Variants in TOGARAM2 observed in about 807,000 individuals in gnomAD.
The protein encoded by TOGARAM2 is TOG array regulator of axonemal microtubules protein 2.
TOGARAM2 carries 85 observed loss-of-function variants against 93.3 expected under a neutral mutation model. The observed-to-expected ratio is 0.91, with a 90% CI of 0.76 to 1.09. The LOEUF (loss-of-function observed/expected upper bound fraction) is 1.09. Ranked by LOEUF, TOGARAM2 falls within the 50% of genes least tolerant of loss-of-function variation. The pLI is 0.00. For missense variants in TOGARAM2, 1,277 were observed against 1,334.5 expected, an observed-to-expected ratio of 0.96 and a Z score of 0.67; for synonymous variants, 593 against 552.8, an observed-to-expected ratio of 1.07 and a Z score of -1.02.
At chr2:29,023,033 TG>T in intron 11 of TOGARAM2, 52 bp from the exon 12 acceptor site, 1 of 1,494,670 alleles carries the variant, frequency 6.7e-7, no homozygotes, top group Non-Finnish European at 9.1e-7. Flanking sequence ...TGCAGAGGGG[TG>T]GGGCTCCTCC....
chr2:29,007,695 C>A (rs1663968000), intron 6 of TOGARAM2, among the ~76,000 whole-genome samples: 1 of 152,108 alleles, frequency 6.6e-6, no homozygotes, highest in Non-Finnish European at 1.5e-5. Flanking sequence ...ATGGCGGGTC[C>A]TTTGTGTCAA....
At chr2:29,024,946 C>T (rs567744764) in intron 13 of TOGARAM2, among the ~76,000 whole-genome samples, 1 of 152,194 alleles carries the variant, frequency 6.6e-6, no homozygotes. Context: ...CCTGTTGGAG[C>T]CTTTCTGCAG....
In TOGARAM2 at chr2:29,036,687, C is replaced by T; in HGVS notation, c.2565C>T (p.Asn855=). 2 of 1,614,000 alleles carry T rather than the reference C, an allele frequency of 1.2e-6. No homozygotes were observed. Among genetic ancestry groups the T allele is most frequent in the Non-Finnish European group, 1.7e-6 (2 of 1,179,888 alleles). ...LLSIIITVAD[N]LNSKNSGIYA... is the part of the protein sequence containing the mutation. ...CCATCATCATCACTGTTGCAGACAA[C>T]CTCAACTCCAAGAACTCAGGGATTT... Residue 855 remains asparagine (N), a synonymous_variant, in exon 18 of 20, where the codon AAC becomes AAT. Coordinates refer to ENST00000379558, the MANE Select transcript of TOGARAM2 (RefSeq NM_199280.4).
upstream of TOGARAM2, among the ~76,000 whole-genome samples, chr2:28,980,910 A>G (rs1217787539): frequency 6.6e-6 from 1 of 152,222 alleles, no homozygotes; most frequent in Non-Finnish European, 1.5e-5. Flanking sequence ...CAGAGGGCAC[A>G]CAGCTGGAAG....
At chr2:29,023,275 T>C (rs976019078) in intron 12 of TOGARAM2, 84 bp downstream of exon 12, 24 of 1,152,062 alleles carry the variant, frequency 2.1e-5, no homozygotes, top group Non-Finnish European at 3.0e-5. Context: ...GGAGGGGCTG[T>C]GGCTTCAGGG....
chr2:29,035,674 T>A lies in TOGARAM2; in HGVS notation c.2418+18T>A. ...TGGTCCAGGTGAGCACCGCTTGCTTTTACTCTCCCACCTGTCTCTCCTCTG... is the reference window on the plus strand; with the variant it reads ...TGGTCCAGGTGAGCACCGCTTGCTTATACTCTCCCACCTGTCTCTCCTCTG... On this transcript the variant is annotated intron_variant, in intron 17 of 19. Transcript: ENST00000379558. The A allele has an allele frequency of 1.4e-6, 2 of 1,386,414 alleles. No homozygotes were observed. Among genetic ancestry groups the A allele is most frequent in the Non-Finnish European group, 1.9e-6 (2 of 1,057,726 alleles). The allele number at this position is 1,386,414 out of a possible 1,614,324, so 85.9% of individuals were successfully genotyped here. A position where few individuals can be genotyped will look rare whatever the true frequency, so the allele number is the denominator to read the frequency against.
chr2:29,012,418 C>T (rs1290252493), intron 7 of TOGARAM2, among the ~76,000 whole-genome samples: 1 of 152,212 alleles, frequency 6.6e-6, no homozygotes, highest in South Asian at 2.1e-4. Context: ...CTGCTTCTCC[C>T]CTGCTCCCGG....
intron 4 of TOGARAM2, among the ~76,000 whole-genome samples, chr2:29,001,525 G>A (rs983035707): frequency 4.0e-5 from 6 of 149,742 alleles, no homozygotes; most frequent in Admixed American, 2.0e-4. Flanking sequence ...TTTTGAGACC[G>A]AGTCTTGCTC....
chr2:29,014,592 G>A, intron 8 of TOGARAM2, 31 bp downstream of exon 8: 4 of 1,553,164 alleles, frequency 2.6e-6, no homozygotes, highest in Non-Finnish European at 3.5e-6. Flanking sequence ...GGAGGAAGTG[G>A]GGCTGGAGTG....
Position 29,036,718 on chromosome 2 carries a change from G to A in TOGARAM2, c.2596G>A (p.Ala866Thr), listed in dbSNP as rs770935644. 39 of 1,613,794 alleles carry A rather than the reference G, an allele frequency of 2.4e-5. No homozygotes were observed. Among genetic ancestry groups the A allele is most frequent in the Non-Finnish European group, 3.2e-5 (38 of 1,179,864 alleles). ...CTCCAAGAACTCAGGGATTTACGCTGCTGCCGTGGCTGTGCTGGATGCGAT... is the reference window on the plus strand; with the variant it reads ...CTCCAAGAACTCAGGGATTTACGCTACTGCCGTGGCTGTGCTGGATGCGAT... ...LNSKNSGIYA[A>T]AVAVLDAMVE... Residue 866 changes from alanine to threonine, a missense_variant, in exon 18 of 20, where the codon GCT becomes ACT. Ala to Thr is a moderately conservative substitution (Grantham distance 58, BLOSUM62 0). Transcript: ENST00000379558.
At chr2:28,986,255 CT>C (rs1436205524) in intron 1 of TOGARAM2, among the ~76,000 whole-genome samples, 1 of 151,916 alleles carries the variant, frequency 6.6e-6, no homozygotes. Flanking sequence ...CTAAATAAAA[CT>C]TTCTCTCCCC....
At chr2:28,960,987 G>A (rs1398978616) in intron 1 of TOGARAM2, among the ~76,000 whole-genome samples, 1 of 152,168 alleles carries the variant, frequency 6.6e-6, no homozygotes, top group Non-Finnish European at 1.5e-5. Flanking sequence ...CACACCAAGA[G>A]GCAAGATAAT....
At position 28,959,481 on chromosome 2, in the gene TOGARAM2, C is replaced by T. The variant is rs899755378; in HGVS notation, c.-147+2784C>T. Among the ~76,000 whole-genome samples, 19 of 152,064 alleles carry T rather than the reference C, an allele frequency of 1.2e-4. 1 individual carries two copies. Among genetic ancestry groups the T allele is most frequent in the Admixed American group, 7.2e-4 (11 of 15,266 alleles). On this transcript the variant is annotated intron_variant, in intron 1 of 6. Transcript: ENST00000401723. Reference sequence around the variant, plus strand: ...TTAAAAGAATAGTATAGGCCGGGTGCGGTGGCTCATGCCTGTAATCCCAGC... The same window carrying T: ...TTAAAAGAATAGTATAGGCCGGGTGTGGTGGCTCATGCCTGTAATCCCAGC...
chr2:29,005,376 A>ATGGC (rs1673663365), intron 6 of TOGARAM2, among the ~76,000 whole-genome samples: 1 of 143,368 alleles, frequency 7.0e-6, no homozygotes, highest in African/African-American at 2.7e-5. Flanking sequence ...GAGAACGTGC[A>ATGGC]TGTATGTGGG....
At chr2:29,005,855 T>C (rs947923801) in intron 6 of TOGARAM2, among the ~76,000 whole-genome samples, 1 of 150,224 alleles carries the variant, frequency 6.7e-6, no homozygotes, top group Non-Finnish European at 1.5e-5. Flanking sequence ...TGCATGTGTG[T>C]GCATATGTGT....
rs1572734734 is a variant in TOGARAM2 at position 29,024,228 on chromosome 2, G to C, written c.1707G>C (p.Glu569Asp). 6.2e-7 allele frequency: 1 copy of C among 1,609,636 alleles called. No homozygotes were observed. The highest frequency in any genetic ancestry group is 1.3e-5 in the African/African-American group (1 of 74,882). The change falls in exon 13 of 20, where the codon GAG becomes GAC. Residue 569 changes from glutamate to aspartate, a missense_variant. Coordinates refer to ENST00000379558, the MANE Select transcript of TOGARAM2 (RefSeq NM_199280.4). Reference sequence around the variant, plus strand: ...CCTTGAAGAAGAATATGGACCAGGAGGCCGAGGAGATCGCCCGCTGCTTGC... The same window carrying C: ...CCTTGAAGAAGAATATGGACCAGGACGCCGAGGAGATCGCCCGCTGCTTGC... ...FQALKKNMDQ[E>D]AEEIARCLLQ... is the part of the protein sequence containing the mutation.
Position 29,051,820 on chromosome 2 carries a change from C to G in TOGARAM2, c.2787C>G (p.Leu929=), listed in dbSNP as rs1170476972. ...TAGAGCGGCATGTCCTTCCCATCCT[C>G]TGGCACTTCCTGAACACCGCCACCA... ...QAVERHVLPI[L]WHFLNTATRN... Residue 929 remains leucine (L), a synonymous_variant, in exon 20 of 20, where the codon CTC becomes CTG. Transcript: ENST00000379558. 2.1e-5 allele frequency: 33 copies of G among 1,562,990 alleles called. No individual in the cohort carries two copies. The highest frequency in any genetic ancestry group is 2.6e-5 in the Non-Finnish European group (30 of 1,153,352).
chr2:29,024,522 G>A, intron 13 of TOGARAM2, 148 bp downstream of exon 13: 1 of 746,076 alleles, frequency 1.3e-6, no homozygotes, highest in South Asian at 1.8e-5. Flanking sequence ...CCCTTGAGAT[G>A]CTAGAGGACA....
intron 1 of TOGARAM2, among the ~76,000 whole-genome samples, chr2:28,991,033 TGTGTGTG>T (rs1232854368): frequency 1.3e-4 from 18 of 134,686 alleles, no homozygotes; most frequent in African/African-American, 5.4e-4. Context: ...TGTGTGTGTG[TGTGTGTG>T]GCTTTTCCCC....
Sources: allele counts gnomAD v4.1 joint callset (sites outside exome capture counted in the v4.1 genomes callset), GRCh38; gene constraint gnomAD v4.1.1; transcripts MANE v1.5; gene names NCBI Gene and HGNC (gene_info 2026-07-23, HGNC 2026-07-21).